ASCC3: variants seen among roughly 807,000 people sequenced by gnomAD.
ASCC3 encodes ASC-1 complex subunit P200.
ASCC3 carries 158 observed loss-of-function variants against 256.3 expected under a neutral mutation model. The observed-to-expected ratio is 0.62, with a 90% CI of 0.54 to 0.70. ASCC3 has a LOEUF of 0.70. ASCC3 is among the 30% of genes least tolerant of loss of function. The pLI is 0.00. For synonymous variants in ASCC3, 948 were observed against 883.4 expected (o/e 1.07, Z -1.30); for missense variants, 2,259 against 2,626.0 (o/e 0.86, Z 3.05).
chr6:100,727,746 A>T (rs1336895730), intron 10 of ASCC3, among the ~76,000 whole-genome samples: 1 of 152,112 alleles, frequency 6.6e-6, no homozygotes, highest in East Asian at 1.9e-4. Context: ...GACAAAGATT[A>T]AAAATGACTA....
chr6:100,655,106 A>G (rs1231286640), intron 17 of ASCC3, among the ~76,000 whole-genome samples: 1 of 151,970 alleles, frequency 6.6e-6, no homozygotes, highest in Non-Finnish European at 1.5e-5. Context: ...AAGCAGAGTT[A>G]TAAAGGAAAG....
rs768793997 is a variant in ASCC3 at position 100,766,634 on chromosome 6, T to A, written c.1668A>T (p.Pro556=). 6.2e-7 allele frequency: 1 copy of A among 1,614,076 alleles called. No homozygotes were observed. The highest frequency in any genetic ancestry group is 1.7e-5 in the Admixed American group (1 of 60,038). The change falls in exon 10 of 42, where the codon CCA becomes CCT. Residue 556 remains proline (P), a synonymous_variant. Coordinates refer to ENST00000369162, the MANE Select transcript of ASCC3 (RefSeq NM_006828.4). The stretch of plus-strand genomic sequence containing the variant: ...TCAATTCTTTCACAATGATGCCTAG[T>A]GGCTCTAGACGTCTGCTGAAGTAAT... ...MTDYFSRRLE[P]LGIIVKELTG...
intron 25 of ASCC3, among the ~76,000 whole-genome samples, chr6:100,631,476 A>T (rs1199488586): frequency 6.6e-6 from 1 of 152,010 alleles, no homozygotes; most frequent in African/African-American, 2.4e-5. Context: ...AATTACTTTT[A>T]AAAAAGCATC....
At chr6:100,712,112 T>C (rs1253778003) in intron 13 of ASCC3, among the ~76,000 whole-genome samples, 1 of 152,106 alleles carries the variant, frequency 6.6e-6, no homozygotes, top group Non-Finnish European at 1.5e-5. Context: ...TTTTACAAAA[T>C]TAACTTAAAA....
rs1031800299 is a variant in ASCC3, at chr6:100,807,367, G to A, written c.802-1487C>T. ...GGGTTTAGGACAGACAAGGATAAAG[G>A]ATGCTGGTAGACAAGACATAATGTC... On this transcript the variant is annotated intron_variant, in intron 4 of 41. Transcript: ENST00000369162. 1.1e-4 allele frequency among the ~76,000 whole-genome samples: 16 copies of A among 147,790 alleles called. No individual in the cohort carries two copies. The Admixed American group carries it at 1.1e-3, about 10-fold the overall frequency.
chr6:100,854,993 A>G (rs2114521923), intron 3 of ASCC3, among the ~76,000 whole-genome samples: 1 of 152,340 alleles, frequency 6.6e-6, no homozygotes, highest in Admixed American at 6.5e-5. Context: ...ATTTAAAAGT[A>G]TCACTTTTAA....
intron 13 of ASCC3, among the ~76,000 whole-genome samples, chr6:100,712,449 G>C (rs6916468): frequency 0.45 from 69,116 of 151,940 alleles, 15,941 homozygotes; most frequent in South Asian, 0.61. Flanking sequence ...GGTTAAAAAT[G>C]GGCAAAAGAC....
At position 100,509,338 on chromosome 6, in the gene ASCC3, C is replaced by G. The variant is rs1356893695; in HGVS notation, c.*48G>C. 5 of 1,609,510 alleles carry G rather than the reference C, an allele frequency of 3.1e-6. No individual in the cohort carries two copies. Among genetic ancestry groups the G allele is most frequent in the Non-Finnish European group, 4.3e-6 (5 of 1,176,106 alleles). The stretch of plus-strand genomic sequence containing the variant: ...AATTCGATTTGTCTAGATGACTGAA[C>G]AGAGAGAATTCTTAGCCACTCCTTT... On this transcript the variant is annotated 3_prime_UTR_variant, in exon 42 of 42. Coordinates refer to ENST00000369162, the MANE Select transcript of ASCC3 (RefSeq NM_006828.4).
chr6:100,877,184 A>G (rs919189268), intron 1 of ASCC3, among the ~76,000 whole-genome samples: 2 of 152,190 alleles, frequency 1.3e-5, no homozygotes, highest in East Asian at 1.9e-4. Flanking sequence ...ATATTTCCTA[A>G]TAAGTTTAAA....
intron 8 of ASCC3, among the ~76,000 whole-genome samples, chr6:100,783,086 C>T (rs905494371): frequency 5.4e-4 from 82 of 151,780 alleles, no homozygotes; most frequent in Non-Finnish European, 6.3e-4. Context: ...AGTGGAAAAG[C>T]CTAAATGAGC....
At chr6:100,702,537 T>A (rs1414219632) in intron 13 of ASCC3, among the ~76,000 whole-genome samples, 2 of 151,978 alleles carry the variant, frequency 1.3e-5, no homozygotes, top group African/African-American at 4.8e-5. Flanking sequence ...ATATGTAAGG[T>A]AGTTCTATAA....
intron 34 of ASCC3, 32 bp from the exon 35 acceptor site, chr6:100,590,091 T>G: frequency 6.8e-7 from 1 of 1,472,706 alleles, no homozygotes. Flanking sequence ...TATTATTTGT[T>G]TCAAGACATT....
rs565588679 is a variant in ASCC3 at position 100,614,784 on chromosome 6, T to C, written c.4786-7696A>G. Among the ~76,000 whole-genome samples, 3 of 152,348 alleles carry C rather than the reference T, an allele frequency of 2.0e-5. No homozygotes were observed. In the South Asian group the frequency reaches 6.2e-4, roughly 32 times the overall value. On this transcript the variant is annotated intron_variant, in intron 30 of 41. Transcript: ENST00000369162. Reference sequence around the variant, plus strand: ...GTAAGATTTGAAATAATGAGTAATGTATTTGAAATAATGAGTTATGAAATA... The same window carrying C: ...GTAAGATTTGAAATAATGAGTAATGCATTTGAAATAATGAGTTATGAAATA...
intron 4 of ASCC3, among the ~76,000 whole-genome samples, chr6:100,820,056 T>C (rs916844397): frequency 6.6e-6 from 1 of 152,222 alleles, no homozygotes; most frequent in Non-Finnish European, 1.5e-5. Context: ...AGACTACTGC[T>C]AGGATCATAA....
intron 10 of ASCC3, among the ~76,000 whole-genome samples, chr6:100,761,510 C>A (rs6925840): frequency 2.0e-5 from 3 of 151,900 alleles, no homozygotes; most frequent in African/African-American, 7.3e-5. Context: ...ATATAAAAAA[C>A]GAAGAATAGA....
intron 39 of ASCC3, among the ~76,000 whole-genome samples, chr6:100,513,996 T>C (rs1773901597): frequency 6.6e-6 from 1 of 152,094 alleles, no homozygotes; most frequent in African/African-American, 2.4e-5. Flanking sequence ...TTTATTCCTT[T>C]AATATATACT....
At chr6:100,816,116 T>C (rs1363334737) in intron 4 of ASCC3, among the ~76,000 whole-genome samples, 4 of 151,910 alleles carry the variant, frequency 2.6e-5, no homozygotes, top group Admixed American at 2.6e-4. Context: ...ACAGACACTT[T>C]TCAAAACAAG....
At chr6:100,663,478 C>T (rs1327104029) in intron 14 of ASCC3, among the ~76,000 whole-genome samples, 2 of 151,998 alleles carry the variant, frequency 1.3e-5, no homozygotes, top group Non-Finnish European at 2.9e-5. Context: ...TAGTAGTAGG[C>T]TTGGTTATCA....
intron 37 of ASCC3, among the ~76,000 whole-genome samples, chr6:100,519,880 C>G (rs1335629838): frequency 6.6e-6 from 1 of 152,040 alleles, no homozygotes; most frequent in Non-Finnish European, 1.5e-5. Context: ...ATCATGCTCA[C>G]TACTTATATG....
Sources: gnomAD v4.1 joint callset for allele counts (sites outside exome capture counted in the v4.1 genomes callset) on GRCh38, gnomAD v4.1.1 for gene constraint, MANE v1.5 for transcripts, NCBI Gene and HGNC (gene_info 2026-07-23, HGNC 2026-07-21) for gene names.